ULK4: variants seen among roughly 807,000 people sequenced by gnomAD.
ULK4 encodes the protein unc-51 like kinase 4, also known as inactive serine/threonine-protein kinase ULK4.
Under a neutral mutation model 160.6 loss-of-function variants are expected in ULK4, and 133 were observed. The ratio of observed to expected loss-of-function variants is 0.83; its 90% CI spans 0.72 to 0.96. ULK4 has a LOEUF of 0.96. ULK4 is among the 40% of genes least tolerant of loss of function. ULK4 has a pLI of 0.00. For missense variants in ULK4, 1,580 were observed against 1,499.5 expected, an observed-to-expected ratio of 1.05 and a Z score of -0.89; for synonymous variants, 534 against 539.8, an observed-to-expected ratio of 0.99 and a Z score of 0.15.
At chr3:41,885,759 T>A (rs2148773323) in intron 16 of ULK4, among the ~76,000 whole-genome samples, 1 of 152,126 alleles carries the variant, frequency 6.6e-6, no homozygotes, top group African/African-American at 2.4e-5. Context: ...CTCCGCTCAC[T>A]GCAATGCCTC....
intron 32 of ULK4, among the ~76,000 whole-genome samples, chr3:41,537,192 A>AT (rs58996371): frequency 0.37 from 54,415 of 149,042 alleles, 10,433 homozygotes; most frequent in African/African-American, 0.5. Context: ...ACCCCCAACC[A>AT]TTTTTTTTTT....
At position 41,800,304 on chromosome 3, in the gene ULK4, A is replaced by G. The variant is rs2040421370; in HGVS notation, c.1849-11T>C. On this transcript the variant is annotated splice_polypyrimidine_tract_variant and intron_variant, in intron 19 of 36. Transcript: ENST00000301831. Reference sequence around the variant, plus strand: ...CACAACACGCTCTTCCTATAGAGAAAGGAGATTAAAATAATATTAGTGTGA... The same window carrying G: ...CACAACACGCTCTTCCTATAGAGAAGGGAGATTAAAATAATATTAGTGTGA... 4 of 1,600,660 alleles carry G rather than the reference A, an allele frequency of 2.5e-6. No homozygotes were observed. Among genetic ancestry groups the G allele is most frequent in the Non-Finnish European group, 3.4e-6 (4 of 1,175,166 alleles).
intron 35 of ULK4, among the ~76,000 whole-genome samples, chr3:41,260,972 T>A (rs774303711): frequency 6.6e-6 from 1 of 152,162 alleles, no homozygotes; most frequent in Non-Finnish European, 1.5e-5. Context: ...CAGTGATTCC[T>A]CAAGGTGAAG....
intron 18 of ULK4, among the ~76,000 whole-genome samples, chr3:41,822,550 T>A (rs2041179152): frequency 6.6e-6 from 1 of 151,974 alleles, no homozygotes; most frequent in Non-Finnish European, 1.5e-5. Flanking sequence ...CCCAAGTAGC[T>A]GGGATTACAG....
intron 5 of ULK4, among the ~76,000 whole-genome samples, chr3:41,926,495 G>A (rs1051386416): frequency 9.2e-5 from 14 of 152,310 alleles, no homozygotes; most frequent in South Asian, 6.2e-4. Context: ...GATGGAGAAC[G>A]AGTTTGCCAA....
At chr3:41,373,215 T>C (rs1199183895) in intron 35 of ULK4, among the ~76,000 whole-genome samples, 1 of 152,132 alleles carries the variant, frequency 6.6e-6, no homozygotes, top group Non-Finnish European at 1.5e-5. Context: ...ACTGTCAATA[T>C]TAGGCAGATC....
At chr3:41,275,343 C>A (rs945315376) in intron 35 of ULK4, among the ~76,000 whole-genome samples, 2 of 152,190 alleles carry the variant, frequency 1.3e-5, no homozygotes, top group African/African-American at 4.8e-5. Flanking sequence ...TTAAGGGTTA[C>A]AGTAAAGCAC....
At chr3:41,746,219 G>C (rs1165539568) in intron 22 of ULK4, among the ~76,000 whole-genome samples, 1 of 125,946 alleles carries the variant, frequency 7.9e-6, no homozygotes, top group African/African-American at 3.2e-5. Context: ...AAATAAAACT[G>C]TCCACATTTA....
At chr3:41,794,504 A>G (rs2040236053) in intron 20 of ULK4, among the ~76,000 whole-genome samples, 1 of 151,750 alleles carries the variant, frequency 6.6e-6, no homozygotes, top group South Asian at 2.1e-4. Flanking sequence ...TCTCTACTAA[A>G]AATAGAAAAA....
At chr3:41,850,035 C>T (rs1462862515) in intron 17 of ULK4, among the ~76,000 whole-genome samples, 1 of 152,092 alleles carries the variant, frequency 6.6e-6, no homozygotes, top group East Asian at 1.9e-4. Context: ...TTGTTCAATT[C>T]CCACCTATGA....
intron 32 of ULK4, among the ~76,000 whole-genome samples, chr3:41,465,745 T>G (rs796315354): frequency 2.0e-5 from 3 of 152,346 alleles, no homozygotes; most frequent in African/African-American, 7.2e-5. Flanking sequence ...TACCTGGGGC[T>G]GGGTTCTTTG....
chr3:41,596,724 T>C (rs1004176722), intron 31 of ULK4, among the ~76,000 whole-genome samples: 1 of 151,906 alleles, frequency 6.6e-6, no homozygotes. Flanking sequence ...GTGCATGAGG[T>C]GTGCGTAGGG....
intron 34 of ULK4, among the ~76,000 whole-genome samples, chr3:41,419,928 G>A (rs974025811): frequency 2.0e-5 from 3 of 151,880 alleles, no homozygotes; most frequent in African/African-American, 7.2e-5. Context: ...GGGTGTTTTG[G>A]CACTGGGCTT....
intron 22 of ULK4, among the ~76,000 whole-genome samples, chr3:41,750,062 C>T (rs922141523): frequency 2.0e-5 from 3 of 152,140 alleles, no homozygotes; most frequent in African/African-American, 4.8e-5. Flanking sequence ...AAGAGGACTC[C>T]GAGCCTCAAC....
chr3:41,917,988 AAAATAAATAAATAAATAAATAAATAAAT>A (rs150895020), intron 7 of ULK4, among the ~76,000 whole-genome samples: 3 of 147,732 alleles, frequency 2.0e-5, no homozygotes, highest in East Asian at 2.0e-4. Context: ...CTCTGTCTCA[AAAATAAATAAATAAATAAATAAATAAAT>A]AAATAAATAA....
chr3:41,788,771 T>C (rs922665692), intron 21 of ULK4, among the ~76,000 whole-genome samples: 1 of 152,046 alleles, frequency 6.6e-6, no homozygotes, highest in African/African-American at 2.4e-5. Flanking sequence ...GAATTCACAA[T>C]CACAATACAC....
At chr3:41,730,392 GAA>G (rs2037783706) in intron 22 of ULK4, among the ~76,000 whole-genome samples, 1 of 151,778 alleles carries the variant, frequency 6.6e-6, no homozygotes, top group Non-Finnish European at 1.5e-5. Context: ...GGTAGACTAA[GAA>G]AAAAGAGAAG....
chr3:41,326,866 G>A (rs2080348561), intron 35 of ULK4, among the ~76,000 whole-genome samples: 2 of 152,142 alleles, frequency 1.3e-5, no homozygotes, highest in African/African-American at 4.8e-5. Context: ...AGGGACCCCC[G>A]ACTCAGCAGC....
intron 2 of ULK4, among the ~76,000 whole-genome samples, chr3:41,949,453 A>T (rs1423209570): frequency 7.0e-6 from 1 of 142,582 alleles, no homozygotes; most frequent in Non-Finnish European, 1.5e-5. Context: ...TTTTTTTGAG[A>T]CAGCATTTCA....
Sources: allele counts gnomAD v4.1 joint callset (sites outside exome capture counted in the v4.1 genomes callset), GRCh38; gene constraint gnomAD v4.1.1; transcripts MANE v1.5; gene names NCBI Gene and HGNC (gene_info 2026-07-23, HGNC 2026-07-21).